LRRC4C: variants seen among roughly 807,000 people sequenced by gnomAD.
LRRC4C encodes the protein leucine-rich repeat-containing protein 4C.
Under a neutral mutation model 33.6 loss-of-function variants are expected in LRRC4C, and 5 were observed. The observed-to-expected ratio is 0.15, with a 90% confidence interval of 0.08 to 0.31. The LOEUF (loss-of-function observed/expected upper bound fraction) is 0.31, where lower values mean the gene tolerates loss of function less well. Ranked by LOEUF, LRRC4C falls within the 10% of genes least tolerant of loss-of-function variation. The pLI, the probability that LRRC4C is intolerant of heterozygous loss-of-function variation, is 1.00. For missense variants in LRRC4C, 560 were observed against 796.7 expected, an observed-to-expected ratio of 0.70 and a Z score of 3.58; for synonymous variants, 329 against 302.0, an observed-to-expected ratio of 1.09 and a Z score of -0.93.
chr11:40,804,502 C>T (rs763584055), intron 2 of LRRC4C, among the ~76,000 whole-genome samples: 1 of 152,182 alleles, frequency 6.6e-6, no homozygotes, highest in Non-Finnish European at 1.5e-5. Context: ...TTTAATGACA[C>T]AAGTAGCACA....
Position 41,239,253 on chromosome 11 carries a change from C to T in LRRC4C, c.-496+220178G>A, listed in dbSNP as rs1025578084. Among the ~76,000 whole-genome samples the T allele has an allele frequency of 5.6e-5, 7 of 125,988 alleles. No homozygotes were observed. The South Asian group carries it at 1.1e-3, about 20-fold the overall frequency. 82.7% of individuals were successfully genotyped at this position (125,988 alleles called of 152,430 possible). A position where few individuals can be genotyped will look rare whatever the true frequency, so the allele number is the denominator to read the frequency against. ...AGGAGAATGGCATGAACCCAAGAGG[C>T]GGAGCTTGCAGTGAGCCGAGATTGC... On this transcript the variant is annotated intron_variant, in intron 1 of 6. Coordinates refer to ENST00000528697, the MANE Select transcript of LRRC4C (RefSeq NM_001258419.2).
chr11:41,212,380 A>C (rs1565483659), intron 1 of LRRC4C, among the ~76,000 whole-genome samples: 1 of 152,242 alleles, frequency 6.6e-6, no homozygotes, highest in East Asian at 1.9e-4. Flanking sequence ...GATTATGCTT[A>C]AACACAACAC....
At chr11:41,367,654 T>C (rs1369159238) in intron 1 of LRRC4C, among the ~76,000 whole-genome samples, 1 of 152,136 alleles carries the variant, frequency 6.6e-6, no homozygotes, top group Non-Finnish European at 1.5e-5. Context: ...GTCTGTACTG[T>C]ATATACATAC....
intron 5 of LRRC4C, among the ~76,000 whole-genome samples, chr11:40,155,677 G>T (rs1231764372): frequency 1.3e-5 from 2 of 152,158 alleles, no homozygotes; most frequent in East Asian, 3.9e-4. Flanking sequence ...ACCCTGAACA[G>T]ACCAATAACA....
intron 2 of LRRC4C, among the ~76,000 whole-genome samples, chr11:40,721,047 A>G (rs1040294143): frequency 2.0e-5 from 3 of 152,214 alleles, no homozygotes; most frequent in Non-Finnish European, 4.4e-5. Flanking sequence ...AGTAAAGAAG[A>G]CACAGAATGC....
intron 2 of LRRC4C, among the ~76,000 whole-genome samples, chr11:40,757,771 T>C (rs1314164540): frequency 2.0e-5 from 3 of 151,976 alleles, no homozygotes; most frequent in African/African-American, 7.2e-5. Flanking sequence ...TGCAGAGAAG[T>C]TCCAGACAAA....
intron 1 of LRRC4C, among the ~76,000 whole-genome samples, chr11:41,428,590 A>C (rs993890578): frequency 1.3e-5 from 2 of 152,122 alleles, no homozygotes; most frequent in African/African-American, 4.8e-5. Flanking sequence ...AAAGTCACAG[A>C]AAGGTTTGAG....
At chr11:41,458,413 A>T (rs1294023433) in intron 1 of LRRC4C, among the ~76,000 whole-genome samples, 1 of 152,186 alleles carries the variant, frequency 6.6e-6, no homozygotes, top group Non-Finnish European at 1.5e-5. Context: ...GCCAATGCAG[A>T]GATAAAAATA....
At chr11:41,402,227 G>C (rs1378341459) in intron 1 of LRRC4C, among the ~76,000 whole-genome samples, 1 of 151,950 alleles carries the variant, frequency 6.6e-6, no homozygotes, top group African/African-American at 2.4e-5. Flanking sequence ...TTTAATTGAT[G>C]AGCTGTCTTC....
At chr11:40,869,897 T>C (rs1171171594) in intron 2 of LRRC4C, among the ~76,000 whole-genome samples, 1 of 152,162 alleles carries the variant, frequency 6.6e-6, no homozygotes, top group Non-Finnish European at 1.5e-5. Flanking sequence ...GCTCTAAAAC[T>C]TGCCTCTGTC....
chr11:40,660,606 G>A (rs1180072525), intron 2 of LRRC4C, among the ~76,000 whole-genome samples: 1 of 152,158 alleles, frequency 6.6e-6, no homozygotes, highest in Non-Finnish European at 1.5e-5. Flanking sequence ...TGCTGAATAT[G>A]TCACAGAGCA....
At chr11:41,292,263 G>A (rs1158877873) in intron 1 of LRRC4C, among the ~76,000 whole-genome samples, 3 of 152,060 alleles carry the variant, frequency 2.0e-5, no homozygotes, top group Non-Finnish European at 4.4e-5. Flanking sequence ...CCTAATTATG[G>A]TTCTACCAGT....
chr11:40,578,158 T>G (rs1249208039), intron 3 of LRRC4C, among the ~76,000 whole-genome samples: 1 of 125,234 alleles, frequency 8.0e-6, no homozygotes, highest in Non-Finnish European at 1.7e-5. Context: ...TTTTTTTTTT[T>G]TTTTTTTTTT....
At chr11:41,010,258 C>T (rs937144738) in intron 1 of LRRC4C, among the ~76,000 whole-genome samples, 1 of 152,142 alleles carries the variant, frequency 6.6e-6, no homozygotes, top group Non-Finnish European at 1.5e-5. Context: ...ATTCCAATAT[C>T]CAGTTGATAC....
intron 1 of LRRC4C, among the ~76,000 whole-genome samples, chr11:41,211,310 A>C (rs1021270): frequency 0.34 from 51,784 of 151,984 alleles, 10,684 homozygotes; most frequent in Non-Finnish European, 0.45. Context: ...GAGGCCAACT[A>C]ATCTTTTTTT....
rs537839686 is a variant in LRRC4C at position 41,026,673 on chromosome 11, C to A, written c.-495-92950G>T. On this transcript the variant is annotated intron_variant, in intron 1 of 6. Coordinates refer to ENST00000528697, the MANE Select transcript of LRRC4C (RefSeq NM_001258419.2). ...TTATTTTAAGAAATTGCCACAGATA[C>A]CCCAACCTTCAGCAACTACCACCTT... Among the ~76,000 whole-genome samples the A allele has an allele frequency of 4.0e-5, 6 of 151,128 alleles. No individual in the cohort carries two copies. In the South Asian group the frequency reaches 1.0e-3, roughly 26 times the overall value.
chr11:40,488,099 A>C (rs371043328), intron 3 of LRRC4C, among the ~76,000 whole-genome samples: 8 of 152,228 alleles, frequency 5.3e-5, no homozygotes, highest in African/African-American at 1.9e-4. Context: ...ACTACACAGA[A>C]TTTTAGCTGT....
chr11:40,280,253 T>C (rs554115039), intron 4 of LRRC4C, among the ~76,000 whole-genome samples: 1 of 152,312 alleles, frequency 6.6e-6, no homozygotes, highest in Non-Finnish European at 1.5e-5. Flanking sequence ...GACTGAAGGC[T>C]TTAATACAGA....
intron 3 of LRRC4C, among the ~76,000 whole-genome samples, chr11:40,646,128 G>GA (rs1942440572): frequency 6.6e-6 from 1 of 150,754 alleles, no homozygotes; most frequent in South Asian, 2.1e-4. Flanking sequence ...TCTGTTTCCT[G>GA]AATGTAACCT....
Sources: gnomAD v4.1 joint callset for allele counts (sites outside exome capture counted in the v4.1 genomes callset) on GRCh38, gnomAD v4.1.1 for gene constraint, MANE v1.5 for transcripts, NCBI Gene and HGNC (gene_info 2026-07-23, HGNC 2026-07-21) for gene names.